SLC38A1: variants seen among roughly 807,000 people sequenced by gnomAD.
SLC38A1 encodes sodium-coupled neutral amino acid symporter 1.
A neutral mutation model predicts 60.3 loss-of-function variants in SLC38A1; 18 were observed. The ratio of observed to expected loss-of-function variants is 0.30; its 90% CI spans 0.21 to 0.44. The LOEUF (loss-of-function observed/expected upper bound fraction) is 0.44, where lower values mean the gene tolerates loss of function less well. Among genes scored for constraint, SLC38A1 ranks in the 20% least tolerant of loss-of-function variants. SLC38A1 has a pLI of 1.00. For missense variants in SLC38A1, 448 were observed against 587.2 expected (o/e 0.76, Z 2.45); for synonymous variants, 196 against 212.1 (o/e 0.92, Z 0.66).
At chr12:46,196,302 G>C (rs1401662047) in intron 16 of SLC38A1, 1 of 1,534,658 alleles carries the variant, frequency 6.5e-7, no homozygotes, top group East Asian at 2.4e-5. Flanking sequence ...AGCAAATTGG[G>C]GGTTGACATG....
intron 16 of SLC38A1, among the ~76,000 whole-genome samples, chr12:46,194,615 G>A (rs532678569): frequency 6.6e-6 from 1 of 152,256 alleles, no homozygotes; most frequent in East Asian, 1.9e-4. Context: ...ATATTTCTTG[G>A]AGGCTTTGTT....
intron 3 of SLC38A1, among the ~76,000 whole-genome samples, chr12:46,236,278 C>T (rs546191822): frequency 6.1e-4 from 93 of 151,888 alleles, no homozygotes; most frequent in African/African-American, 2.0e-3. Context: ...TGACCTTGAG[C>T]AGTAGGATAT....
rs576015495 is a variant in SLC38A1, at chr12:46,260,124, G to A, written c.-209+8402C>T. Among the ~76,000 whole-genome samples the A allele has an allele frequency of 1.8e-4, 28 of 152,330 alleles. No individual in the cohort carries two copies. In the South Asian group the frequency reaches 5.0e-3, roughly 27 times the overall value. ...TAGAACAGCGTCTGGCCCGGGTTTTGTAAATTATTGTGACCATTGTTCCTG... is the reference window on the plus strand; with the variant it reads ...TAGAACAGCGTCTGGCCCGGGTTTTATAAATTATTGTGACCATTGTTCCTG... On this transcript the variant is annotated intron_variant, in intron 1 of 16. Coordinates refer to ENST00000398637, the MANE Select transcript of SLC38A1 (RefSeq NM_030674.4).
chr12:46,210,828 T>TA (rs1358807502), intron 5 of SLC38A1, among the ~76,000 whole-genome samples: 1 of 152,238 alleles, frequency 6.6e-6, no homozygotes, highest in Non-Finnish European at 1.5e-5. Context: ...GTGAGTCTGT[T>TA]AAACCTCTTT....
intron 5 of SLC38A1, among the ~76,000 whole-genome samples, chr12:46,212,324 T>A (rs1306147795): frequency 6.6e-6 from 1 of 152,252 alleles, no homozygotes; most frequent in African/African-American, 2.4e-5. Context: ...GATTCCTTTT[T>A]AAAATTTCAT....
chr12:46,193,403 T>C (rs940297273), intron 16 of SLC38A1, among the ~76,000 whole-genome samples: 7 of 152,178 alleles, frequency 4.6e-5, no homozygotes, highest in Non-Finnish European at 8.8e-5. Context: ...AGAATGCATA[T>C]TGTCTTGATT....
intron 3 of SLC38A1, among the ~76,000 whole-genome samples, chr12:46,234,548 C>G (rs907726739): frequency 1.3e-5 from 2 of 151,138 alleles, no homozygotes; most frequent in African/African-American, 4.9e-5. Context: ...CCTGGGTTCA[C>G]GCCATTCTCC....
chr12:46,198,868 A>G (rs1005464294), intron 13 of SLC38A1, 125 bp from the exon 14 acceptor site: 4 of 649,528 alleles, frequency 6.2e-6, no homozygotes, highest in South Asian at 2.1e-5. Context: ...CGAAATGTCT[A>G]TTAAAACAAT....
In SLC38A1 at chr12:46,256,636, C is replaced by CACACACACACAG. The variant is rs142176282; in HGVS notation, c.-209+11889_-209+11890insCTGTGTGTGTGT. On this transcript the variant is annotated intron_variant, in intron 1 of 16. Coordinates refer to ENST00000398637, the MANE Select transcript of SLC38A1 (RefSeq NM_030674.4). ...GCGCACACACACACACACACACACACAGAGAGAGAGAGAGAGAGAGAGAGA... is the reference window on the plus strand; with the variant it reads ...GCGCACACACACACACACACACACACACACACACACAGAGAGAGAGAGAGAGAGAGAGAGAGA... Among the ~76,000 whole-genome samples the CACACACACACAG allele has an allele frequency of 1.1e-4, 13 of 123,268 alleles. No homozygotes were observed. The South Asian group carries it at 2.8e-3, about 26-fold the overall frequency. The allele number at this position is 123,268 out of a possible 152,430, so 80.9% of individuals were successfully genotyped here. A position where few individuals can be genotyped will look rare whatever the true frequency, so the allele number is the denominator to read the frequency against.
At chr12:46,247,074 GA>G (rs947435898) in intron 1 of SLC38A1, among the ~76,000 whole-genome samples, 1 of 152,126 alleles carries the variant, frequency 6.6e-6, no homozygotes, top group South Asian at 2.1e-4. Flanking sequence ...CAAAGATGGG[GA>G]AAAAATGGAG....
rs189219461 is a variant in SLC38A1 at position 46,194,285 on chromosome 12, G to T, written c.1362+3435C>A. On this transcript the variant is annotated intron_variant, in intron 16 of 16. Transcript: ENST00000398637. Reference sequence around the variant, plus strand: ...CCCCCACTCCCTTCTGGCTTGTAGGGTTTCTGCAGAGAGATCGGCTGTTAG... The same window carrying T: ...CCCCCACTCCCTTCTGGCTTGTAGGTTTTCTGCAGAGAGATCGGCTGTTAG... Among the ~76,000 whole-genome samples the T allele has an allele frequency of 5.7e-4, 87 of 152,324 alleles. 1 individual carries two copies. In the East Asian group the frequency reaches 0.014, roughly 25 times the overall value.
Position 46,217,860 on chromosome 12 carries a change from G to A in SLC38A1, c.315-8733C>T, listed in dbSNP as rs965065508. 4.6e-5 allele frequency among the ~76,000 whole-genome samples: 7 copies of A among 152,250 alleles called. No homozygotes were observed. In the East Asian group the frequency reaches 9.6e-4, roughly 21 times the overall value. ...CAGGTGGAGAGCAATTATTTGTACC[G>A]TTCTTTCCATTTCTTTCCTTGTAGG... On this transcript the variant is annotated intron_variant, in intron 5 of 16. Coordinates refer to ENST00000398637, the MANE Select transcript of SLC38A1 (RefSeq NM_030674.4).
At chr12:46,231,634 C>T (rs2138001176) in intron 3 of SLC38A1, among the ~76,000 whole-genome samples, 1 of 152,252 alleles carries the variant, frequency 6.6e-6, no homozygotes, top group South Asian at 2.1e-4. Context: ...TGATGCATGC[C>T]TATTTAAACT....
intron 5 of SLC38A1, among the ~76,000 whole-genome samples, chr12:46,228,288 G>A (rs974500599): frequency 6.6e-6 from 1 of 152,140 alleles, no homozygotes; most frequent in Non-Finnish European, 1.5e-5. Flanking sequence ...AGTTTTTGAT[G>A]TCTTTTTTGA....
intron 3 of SLC38A1, among the ~76,000 whole-genome samples, chr12:46,232,241 G>A (rs1355908623): frequency 1.3e-5 from 2 of 152,110 alleles, no homozygotes. Flanking sequence ...GCTGACATTC[G>A]GACAAGGAGA....
At chr12:46,237,314 A>T (rs533741168) in intron 3 of SLC38A1, among the ~76,000 whole-genome samples, 2 of 152,314 alleles carry the variant, frequency 1.3e-5, no homozygotes, top group Non-Finnish European at 2.9e-5. Flanking sequence ...ATCATGGACT[A>T]CTAAAATATG....
At position 46,197,968 on chromosome 12, in the gene SLC38A1, G is replaced by A. The variant is rs1380266528; in HGVS notation, c.1215C>T (p.Asn405=). The change falls in exon 15 of 17, where the codon AAC becomes AAT. Residue 405 remains asparagine, a synonymous_variant. Transcript: ENST00000398637. The stretch of plus-strand genomic sequence containing the variant: ...TGGAGGGTATGAAGATCACCAACAA[G>A]TTGATAACAACCAAGAGTATGCAGG... ...VVTCILLVVI[N]LLVIFIPSMK... is the part of the protein sequence containing the mutation. The A allele has an allele frequency of 6.2e-7, 1 of 1,614,036 alleles. No homozygotes were observed. The highest frequency in any genetic ancestry group is 8.5e-7 in the Non-Finnish European group (1 of 1,179,976).
chr12:46,205,775 C>A (rs1458090169), intron 9 of SLC38A1, among the ~76,000 whole-genome samples: 1 of 152,098 alleles, frequency 6.6e-6, no homozygotes, highest in East Asian at 1.9e-4. Context: ...AAGAGAATTG[C>A]ATTTTCTGGA....
At chr12:46,201,407 C>T (rs1460085981) in intron 12 of SLC38A1, among the ~76,000 whole-genome samples, 1 of 152,182 alleles carries the variant, frequency 6.6e-6, no homozygotes, top group Non-Finnish European at 1.5e-5. Flanking sequence ...ACTACACTCC[C>T]GTTAGCGTTC....
Sources: allele counts gnomAD v4.1 joint callset (sites outside exome capture counted in the v4.1 genomes callset), GRCh38; gene constraint gnomAD v4.1.1; transcripts MANE v1.5; gene names NCBI Gene and HGNC (gene_info 2026-07-23, HGNC 2026-07-21).